Variants in CNTNAP5 observed in about 807,000 individuals in gnomAD.
The protein encoded by CNTNAP5 is contactin associated protein family member 5, also known as contactin-associated protein-like 5.
CNTNAP5 carries 72 observed loss-of-function variants against 150.2 expected under a neutral mutation model. The ratio of observed to expected loss-of-function variants is 0.48; its 90% confidence interval spans 0.40 to 0.58. The LOEUF (loss-of-function observed/expected upper bound fraction) is 0.58, where lower values mean the gene tolerates loss of function less well. CNTNAP5 is among the 20% of genes least tolerant of loss of function. The pLI is 0.00. For missense variants in CNTNAP5, 1,636 were observed against 1,626.2 expected, an observed-to-expected ratio of 1.01 and a Z score of -0.10; for synonymous variants, 672 against 619.8, an observed-to-expected ratio of 1.08 and a Z score of -1.25.
intron 11 of CNTNAP5, among the ~76,000 whole-genome samples, chr2:124,585,576 C>T (rs1363736209): frequency 1.4e-5 from 2 of 146,336 alleles, no homozygotes; most frequent in African/African-American, 5.0e-5. Flanking sequence ...AACAATTGTT[C>T]TTTATTGTGG....
intron 13 of CNTNAP5, among the ~76,000 whole-genome samples, chr2:124,745,231 C>A (rs1245561982): frequency 6.6e-6 from 1 of 152,142 alleles, no homozygotes; most frequent in Non-Finnish European, 1.5e-5. Context: ...AGTAACAATG[C>A]AATTAATGTG....
At chr2:124,490,555 A>G (rs570874722) in intron 7 of CNTNAP5, among the ~76,000 whole-genome samples, 1 of 152,244 alleles carries the variant, frequency 6.6e-6, no homozygotes, top group Admixed American at 6.5e-5. Context: ...GTAAGAAGTA[A>G]AACAATTTCT....
At chr2:124,387,912 A>G (rs1690971555) in intron 3 of CNTNAP5, among the ~76,000 whole-genome samples, 1 of 152,126 alleles carries the variant, frequency 6.6e-6, no homozygotes, top group Non-Finnish European at 1.5e-5. Flanking sequence ...TCTGAGTCCA[A>G]AGCTTTTGCT....
At chr2:124,662,228 T>C (rs1411312101) in intron 13 of CNTNAP5, among the ~76,000 whole-genome samples, 1 of 152,244 alleles carries the variant, frequency 6.6e-6, no homozygotes, top group African/African-American at 2.4e-5. Context: ...CAGTCTATTA[T>C]TGATGGGCAT....
At chr2:124,074,159 T>C (rs1262438835) in intron 1 of CNTNAP5, among the ~76,000 whole-genome samples, 1 of 151,872 alleles carries the variant, frequency 6.6e-6, no homozygotes, top group African/African-American at 2.4e-5. Context: ...CTTATGGATA[T>C]AGAGAGTAGA....
intron 1 of CNTNAP5, among the ~76,000 whole-genome samples, chr2:124,085,995 T>C (rs1057251545): frequency 3.6e-4 from 55 of 152,292 alleles, no homozygotes; most frequent in African/African-American, 1.2e-3. Flanking sequence ...TGTTGGTTAA[T>C]GGTGTTGAGT....
intron 3 of CNTNAP5, among the ~76,000 whole-genome samples, chr2:124,384,039 C>T (rs897720267): frequency 5.3e-5 from 8 of 151,866 alleles, no homozygotes; most frequent in Admixed American, 1.3e-4. Flanking sequence ...CCCATTAATC[C>T]GTGGTTTAAT....
At chr2:124,204,481 CTT>C (rs1403611784) in intron 1 of CNTNAP5, among the ~76,000 whole-genome samples, 2 of 152,168 alleles carry the variant, frequency 1.3e-5, no homozygotes, top group African/African-American at 4.8e-5. Context: ...TCTGGGGTAT[CTT>C]TATAGCAGAG....
At chr2:124,163,283 T>C (rs1427752432) in intron 1 of CNTNAP5, among the ~76,000 whole-genome samples, 1 of 152,104 alleles carries the variant, frequency 6.6e-6, no homozygotes, top group Non-Finnish European at 1.5e-5. Context: ...CCCACCAACA[T>C]TGCAATGAGG....
At chr2:124,719,512 G>C (rs1377274742) in intron 13 of CNTNAP5, among the ~76,000 whole-genome samples, 1 of 152,058 alleles carries the variant, frequency 6.6e-6, no homozygotes, top group Non-Finnish European at 1.5e-5. Flanking sequence ...CTGAGATCTG[G>C]TGTATAAAAA....
chr2:124,111,044 C>T (rs17010858), intron 1 of CNTNAP5, among the ~76,000 whole-genome samples: 3,783 of 152,188 alleles, frequency 0.025, 168 homozygotes, highest in African/African-American at 0.085. Context: ...GCGATTTGTC[C>T]AGGGTGGTAT....
chr2:124,862,175 T>A (rs1454400268), intron 19 of CNTNAP5, among the ~76,000 whole-genome samples: 1 of 152,218 alleles, frequency 6.6e-6, no homozygotes, highest in East Asian at 1.9e-4. Context: ...TTATTGTTAA[T>A]TTCCACATTG....
At chr2:124,621,556 G>A (rs1408904694) in intron 12 of CNTNAP5, among the ~76,000 whole-genome samples, 7 of 152,140 alleles carry the variant, frequency 4.6e-5, no homozygotes, top group Non-Finnish European at 8.8e-5. Flanking sequence ...CTGCAATTGA[G>A]GTCTCTCCAA....
At chr2:124,292,560 T>C (rs543604031) in intron 3 of CNTNAP5, among the ~76,000 whole-genome samples, 5 of 152,196 alleles carry the variant, frequency 3.3e-5, no homozygotes, top group Non-Finnish European at 7.4e-5. Flanking sequence ...AGAAATAAAA[T>C]TGAGAAAGTC....
At chr2:124,642,959 A>G (rs1678125330) in intron 12 of CNTNAP5, among the ~76,000 whole-genome samples, 1 of 152,214 alleles carries the variant, frequency 6.6e-6, no homozygotes, top group Non-Finnish European at 1.5e-5. Context: ...GGGGCACAGT[A>G]TTTGATGGCC....
At chr2:124,061,906 T>G (rs970426391) in intron 1 of CNTNAP5, among the ~76,000 whole-genome samples, 2 of 152,168 alleles carry the variant, frequency 1.3e-5, no homozygotes, top group African/African-American at 4.8e-5. Flanking sequence ...GCCCTCCCTC[T>G]TCATGATCCT....
intron 13 of CNTNAP5, among the ~76,000 whole-genome samples, chr2:124,728,745 C>T (rs1680210990): frequency 6.6e-6 from 1 of 151,812 alleles, no homozygotes; most frequent in African/African-American, 2.4e-5. Flanking sequence ...GGCTTAAAAC[C>T]TTTAATAAAA....
chr2:124,138,308 C>T (rs1684025534), intron 1 of CNTNAP5, among the ~76,000 whole-genome samples: 1 of 152,196 alleles, frequency 6.6e-6, no homozygotes, highest in African/African-American at 2.4e-5. Context: ...AGCCAAAGTC[C>T]ACCTGCTCTT....
intron 7 of CNTNAP5, among the ~76,000 whole-genome samples, chr2:124,494,985 A>G (rs1185616667): frequency 1.3e-5 from 2 of 152,182 alleles, no homozygotes; most frequent in Non-Finnish European, 2.9e-5. Context: ...AAAAATTGCC[A>G]TAATTCCACC....
Sources: allele counts gnomAD v4.1 joint callset (sites outside exome capture counted in the v4.1 genomes callset), GRCh38; gene constraint gnomAD v4.1.1; transcripts MANE v1.5; gene names NCBI Gene and HGNC (gene_info 2026-07-23, HGNC 2026-07-21).